Variants in BCAS3 observed in about 807,000 individuals in gnomAD.
The protein encoded by BCAS3 is BCAS3 microtubule associated cell migration factor, also known as BCAS4/BCAS3 fusion.
A neutral mutation model predicts 116.1 loss-of-function variants in BCAS3; 53 were observed. That is an observed-to-expected ratio of 0.46 (90% CI 0.37 to 0.57). The LOEUF is 0.57. Ranked by LOEUF, BCAS3 falls within the 20% of genes least tolerant of loss-of-function variation. The probability of loss-of-function intolerance (pLI) is 0.00; values close to 1 mark genes in which losing one functional copy is unlikely to be tolerated. For synonymous variants in BCAS3, 391 were observed against 408.2 expected (o/e 0.96, Z 0.51); for missense variants, 917 against 1,165.4 (o/e 0.79, Z 3.10).
At chr17:60,704,628 G>A (rs2036870613) in intron 4 of BCAS3, among the ~76,000 whole-genome samples, 1 of 151,972 alleles carries the variant, frequency 6.6e-6, no homozygotes, top group Non-Finnish European at 1.5e-5. Context: ...ATCACTTGAG[G>A]TCAGGAGTTC....
intron 22 of BCAS3, chr17:61,086,670 G>C: frequency 1.0e-6 from 1 of 985,240 alleles, no homozygotes; most frequent in Non-Finnish European, 1.2e-6. Context: ...GAACTTCTTG[G>C]TGGCTAAGCT....
intron 5 of BCAS3, 131 bp downstream of exon 5, chr17:60,709,456 C>G (rs1275760723): frequency 8.9e-6 from 5 of 561,082 alleles, no homozygotes; most frequent in Non-Finnish European, 1.6e-5. Flanking sequence ...GTGGTGCGAT[C>G]TCGGCTCACT....
Position 61,257,420 on chromosome 17 carries a change from C to CAAAAAAAAAAAAAAAAAAAAAAAAAAA in BCAS3, c.2426-110884_2426-110883insAAAAAAAAAAAAAAAAAAAAAAAAAAA, listed in dbSNP as rs35124459. Reference sequence around the variant, plus strand: ...TGGGAGACAGAGCGAGACTCCATCTCAAAAAAAAAAAAAAAAAAAAAAAGG... The same window carrying CAAAAAAAAAAAAAAAAAAAAAAAAAAA: ...TGGGAGACAGAGCGAGACTCCATCTCAAAAAAAAAAAAAAAAAAAAAAAAAAAAAAAAAAAAAAAAAAAAAAAAAAGG... On this transcript the variant is annotated intron_variant, in intron 22 of 23. Transcript: ENST00000407086. 3.5e-5 allele frequency among the ~76,000 whole-genome samples: 2 copies of CAAAAAAAAAAAAAAAAAAAAAAAAAAA among 57,214 alleles called. 1 individual carries two copies. Among genetic ancestry groups the CAAAAAAAAAAAAAAAAAAAAAAAAAAA allele is most frequent in the Non-Finnish European group, 6.4e-5 (2 of 31,208 alleles). 37.5% of individuals were successfully genotyped at this position (57,214 alleles called of 152,430 possible). A position where few individuals can be genotyped will look rare whatever the true frequency, so the allele number is the denominator to read the frequency against.
Position 61,181,585 on chromosome 17 carries a change from G to A in BCAS3, c.2425+97021G>A, listed in dbSNP as rs2079484650. Among the ~76,000 whole-genome samples, 1 of 152,026 alleles carries A rather than the reference G, an allele frequency of 6.6e-6. No homozygotes were observed. Among genetic ancestry groups the A allele is most frequent in the Admixed American group, 6.6e-5 (1 of 15,244 alleles). ...CTTTTGAAGAAAATATCCACTAATT[G>A]GTGTTTCTTTCTGAGTTGCCAAATG... On this transcript the variant is annotated intron_variant, in intron 22 of 23. Coordinates refer to ENST00000407086, the MANE Select transcript of BCAS3 (RefSeq NM_017679.5). This position sits in a 1 kb window ranked among gnomAD's most constrained non-coding sequence, Gnocchi z 5.0.
At chr17:61,221,115 T>C (rs1385238358) in intron 22 of BCAS3, among the ~76,000 whole-genome samples, 1 of 152,102 alleles carries the variant, frequency 6.6e-6, no homozygotes, top group Non-Finnish European at 1.5e-5. Context: ...AAAAAGAAAG[T>C]GTGGTTCATA....
chr17:61,133,119 A>G (rs2076427260), intron 22 of BCAS3, among the ~76,000 whole-genome samples: 1 of 152,144 alleles, frequency 6.6e-6, no homozygotes, highest in African/African-American at 2.4e-5. Flanking sequence ...TGGGCTTTTT[A>G]CCTCTGTCTC....
intron 19 of BCAS3, among the ~76,000 whole-genome samples, chr17:61,052,753 C>G (rs1016743625): frequency 6.8e-6 from 1 of 146,936 alleles, no homozygotes; most frequent in African/African-American, 2.5e-5. Context: ...GGTTTCTCTC[C>G]CATTGCCCAG....
At chr17:60,916,934 G>A (rs767495095) in intron 12 of BCAS3, among the ~76,000 whole-genome samples, 10 of 152,142 alleles carry the variant, frequency 6.6e-5, no homozygotes, top group African/African-American at 2.4e-4. Context: ...TGGCTGATAA[G>A]CAGAAATTGG....
intron 6 of BCAS3, among the ~76,000 whole-genome samples, chr17:60,750,160 C>T (rs2042331774): frequency 6.7e-6 from 1 of 150,164 alleles, no homozygotes; most frequent in Non-Finnish European, 1.5e-5. Context: ...GTGTGAGACT[C>T]CATCTCAAAA....
chr17:60,792,222 G>A (rs902757182), intron 6 of BCAS3, among the ~76,000 whole-genome samples: 4 of 152,218 alleles, frequency 2.6e-5, no homozygotes, highest in African/African-American at 9.6e-5. Context: ...GCTGCTCCTG[G>A]GCTGCATGCT....
chr17:61,228,298 T>A lies in BCAS3; in HGVS notation c.2426-140029T>A, dbSNP rs933415242. Among the ~76,000 whole-genome samples, 2 of 151,610 alleles carry A rather than the reference T, an allele frequency of 1.3e-5. No individual in the cohort carries two copies. The highest frequency in any genetic ancestry group is 2.9e-5 in the Non-Finnish European group (2 of 68,024). On this transcript the variant is annotated intron_variant, in intron 22 of 23. Coordinates refer to ENST00000407086, the MANE Select transcript of BCAS3 (RefSeq NM_017679.5). This position sits in a 1 kb window ranked among gnomAD's most constrained non-coding sequence, Gnocchi z 5.0. ...AGGCGACTATAGACACATCAAAATC[T>A]ATTACCAGAAAAGTTGCCTTACCAG...
At chr17:61,246,792 AGTGT>A (rs61382195) in intron 22 of BCAS3, among the ~76,000 whole-genome samples, 7,185 of 143,708 alleles carry the variant, frequency 0.05, 215 homozygotes, top group African/African-American at 0.1. Context: ...TTTGAGTGAG[AGTGT>A]GTGTGTGTGT....
At chr17:60,887,434 T>C in intron 9 of BCAS3, 1 of 153,912 alleles carries the variant, frequency 6.5e-6, no homozygotes, top group Non-Finnish European at 1.4e-5. Context: ...CGCTGGGAGC[T>C]GTAGACTGGA....
chr17:60,731,710 T>G (rs1173049195), intron 5 of BCAS3, among the ~76,000 whole-genome samples: 1 of 151,974 alleles, frequency 6.6e-6, no homozygotes, highest in Non-Finnish European at 1.5e-5. Flanking sequence ...TTTATTTGAG[T>G]AGTTTTAGGT....
At chr17:61,027,121 CA>C (rs369879283) in intron 16 of BCAS3, among the ~76,000 whole-genome samples, 9,532 of 106,154 alleles carry the variant, frequency 0.09, 489 homozygotes, top group African/African-American at 0.19. Context: ...AAGTAAAAAA[CA>C]AAAAAAAAAA....
rs987688451 is a variant in BCAS3 at position 61,265,139 on chromosome 17, C to T, written c.2426-103188C>T. Among the ~76,000 whole-genome samples the T allele has an allele frequency of 3.3e-5, 5 of 152,090 alleles. No homozygotes were observed. The highest frequency in any genetic ancestry group is 7.2e-5 in the African/African-American group (3 of 41,418). ...ATAAGAAAGCACAATACCAGCCAGGCGCAATGGCTCATGTCTGTAATCCCA... is the reference window on the plus strand; with the variant it reads ...ATAAGAAAGCACAATACCAGCCAGGTGCAATGGCTCATGTCTGTAATCCCA... On this transcript the variant is annotated intron_variant, in intron 22 of 23. Transcript: ENST00000407086. This position sits in a 1 kb window ranked among gnomAD's most constrained non-coding sequence, Gnocchi z 4.3.
At chr17:60,842,021 T>C (rs951370067) in intron 7 of BCAS3, among the ~76,000 whole-genome samples, 4 of 152,298 alleles carry the variant, frequency 2.6e-5, no homozygotes, top group Admixed American at 6.5e-5. Flanking sequence ...ATATGGACTT[T>C]ATGAAAATTT....
At chr17:61,054,563 G>A (rs886529854) in intron 19 of BCAS3, among the ~76,000 whole-genome samples, 2 of 152,056 alleles carry the variant, frequency 1.3e-5, no homozygotes, top group African/African-American at 2.4e-5. Flanking sequence ...ATGAGGTTTT[G>A]TCATGTTGCC....
Position 60,956,568 on chromosome 17 carries a change from A to G in BCAS3, c.1221+9216A>G, listed in dbSNP as rs150984177. On this transcript the variant is annotated intron_variant, in intron 14 of 23. Transcript: ENST00000407086. The surrounding 1 kb of genome is among the most constrained non-coding windows in gnomAD (Gnocchi z 4.2). The stretch of plus-strand genomic sequence containing the variant: ...TGCCATTTAATTTATCTATAAGTTC[A>G]ATATGGAAATAGAAATTTTGCTTAA... Among the ~76,000 whole-genome samples, 571 of 152,318 alleles carry G rather than the reference A, an allele frequency of 3.7e-3. 3 individuals carry two copies. Among genetic ancestry groups the G allele is most frequent in the African/African-American group, 0.013 (543 of 41,572 alleles).
Sources: allele counts gnomAD v4.1 joint callset (sites outside exome capture counted in the v4.1 genomes callset), GRCh38; gene constraint gnomAD v4.1.1; non-coding constraint Gnocchi (gnomAD v3.1); transcripts MANE v1.5; gene names NCBI Gene and HGNC (gene_info 2026-07-23, HGNC 2026-07-21).